TMPRSS15: variants seen among roughly 807,000 people sequenced by gnomAD.
TMPRSS15 encodes the protein transmembrane serine protease 15, also known as enteropeptidase.
A neutral mutation model predicts 125.3 loss-of-function variants in TMPRSS15; 128 were observed. The observed-to-expected ratio is 1.02, with a 90% CI of 0.89 to 1.18. TMPRSS15 has a LOEUF of 1.18. Among genes scored for constraint, TMPRSS15 ranks in the 50% most tolerant of loss-of-function variants. The pLI is 0.00. For missense variants in TMPRSS15, 1,283 were observed against 1,212.7 expected (o/e 1.06, Z -0.86); for synonymous variants, 446 against 423.2 (o/e 1.05, Z -0.66).
chr21:18,464,295 C>G (rs1978612390), intron 1 of TMPRSS15, among the ~76,000 whole-genome samples: 1 of 151,642 alleles, frequency 6.6e-6, no homozygotes, highest in Admixed American at 6.6e-5. Context: ...ACTAAATGCC[C>G]AGAGGAGAAA....
chr21:18,297,295 G>T (rs1360151948), intron 19 of TMPRSS15, among the ~76,000 whole-genome samples: 1 of 152,126 alleles, frequency 6.6e-6, no homozygotes, highest in African/African-American at 2.4e-5. Context: ...TATTTGCCAA[G>T]GAAGAGAAAA....
intron 1 of TMPRSS15, among the ~76,000 whole-genome samples, chr21:18,451,680 A>C (rs2123256742): frequency 6.6e-6 from 1 of 152,238 alleles, no homozygotes; most frequent in East Asian, 1.9e-4. Context: ...GCTTTTTTGG[A>C]CAGCTAACAT....
intron 21 of TMPRSS15, among the ~76,000 whole-genome samples, chr21:18,293,497 C>T (rs1277967110): frequency 6.6e-6 from 1 of 152,108 alleles, no homozygotes; most frequent in Non-Finnish European, 1.5e-5. Context: ...GAGGAAGCTC[C>T]CTTTTCTCCT....
At chr21:18,397,332 A>G (rs1018006791) in intron 3 of TMPRSS15, among the ~76,000 whole-genome samples, 1 of 152,186 alleles carries the variant, frequency 6.6e-6, no homozygotes, top group Non-Finnish European at 1.5e-5. Context: ...TAGATCTTAC[A>G]ATAGAAATAA....
chr21:18,457,412 G>T lies in TMPRSS15; in HGVS notation c.10+28387C>A, dbSNP rs1018505327. 2.6e-5 allele frequency among the ~76,000 whole-genome samples: 4 copies of T among 151,928 alleles called. 1 individual carries two copies. Among genetic ancestry groups the T allele is most frequent in the Admixed American group, 2.0e-4 (3 of 15,226 alleles). On this transcript the variant is annotated intron_variant, in intron 1 of 7. Coordinates refer to the TMPRSS15 transcript ENST00000422787. Reference sequence around the variant, plus strand: ...AAGTTGTGCTAAACCTCTTTATAAAGGAAAAGCAACTTATTACGTTGGAAT... The same window carrying T: ...AAGTTGTGCTAAACCTCTTTATAAATGAAAAGCAACTTATTACGTTGGAAT...
rs756678214 is a variant in TMPRSS15 at position 18,332,118 on chromosome 21, C to T, written c.1620G>A (p.Thr540=). The T allele has an allele frequency of 1.9e-6, 3 of 1,614,058 alleles. No individual in the cohort carries two copies. The highest frequency in any genetic ancestry group is 2.5e-6 in the Non-Finnish European group (3 of 1,179,960). ...GATTAGGGTAGCTGTTTGGAAAGTT[C>T]GTAGAACTGAATGTTGTATTTGGCT... The part of the protein sequence containing the change: ...LWEPNTTFSS[T]NFPNSYPNLA... Residue 540 remains threonine (T), a synonymous_variant, in exon 14 of 25, where the codon ACG becomes ACA. Coordinates refer to ENST00000284885, the MANE Select transcript of TMPRSS15 (RefSeq NM_002772.3).
intron 1 of TMPRSS15, among the ~76,000 whole-genome samples, chr21:18,420,302 A>C (rs1483272275): frequency 6.6e-6 from 1 of 152,194 alleles, no homozygotes; most frequent in Admixed American, 6.5e-5. Context: ...GGCTGAAGTC[A>C]CCATTATTTA....
rs369769966 is a variant in TMPRSS15, at chr21:18,313,036, G to T, written c.2074C>A (p.Arg692=). The T allele has an allele frequency of 7.4e-6, 12 of 1,613,798 alleles. No individual in the cohort carries two copies. The highest frequency in any genetic ancestry group is 4.5e-5 in the East Asian group (2 of 44,854). The change falls in exon 18 of 25, where the codon CGG becomes AGG. Residue 692 remains arginine, a synonymous_variant. Coordinates refer to ENST00000284885, the MANE Select transcript of TMPRSS15 (RefSeq NM_002772.3). ...NGTTNNNGLV[R]FRIQSIWHTA... The stretch of plus-strand genomic sequence containing the variant: ...TGCCATATGCTCTGGATTCTGAACC[G>T]CACTAAACCATTGTTGTTCGTTGTG...
Position 18,388,472 on chromosome 21 carries a change from T to G in TMPRSS15, c.345-4694A>C, listed in dbSNP as rs527634176. ...TCAAATTTTCCCAACCTAATGTAAG[T>G]GAAGTTATCCAGCATGTTGTAGACA... On this transcript the variant is annotated intron_variant, in intron 3 of 24. Transcript: ENST00000284885. Among the ~76,000 whole-genome samples the G allele has an allele frequency of 8.5e-5, 13 of 152,280 alleles. No homozygotes were observed. The South Asian group carries it at 2.3e-3, about 27-fold the overall frequency.
upstream of TMPRSS15, among the ~76,000 whole-genome samples, chr21:18,407,890 G>A (rs907282853): frequency 6.6e-6 from 1 of 152,132 alleles, no homozygotes; most frequent in African/African-American, 2.4e-5. Flanking sequence ...TCTAGATAGG[G>A]AAGATCACTA....
At chr21:18,272,707 A>G (rs2074572873) in intron 24 of TMPRSS15, among the ~76,000 whole-genome samples, 1 of 152,186 alleles carries the variant, frequency 6.6e-6, no homozygotes, top group Admixed American at 6.5e-5. Flanking sequence ...CCTGGGCAAT[A>G]AGAGCAAAAC....
chr21:18,345,740 C>CAAAAAAAAATAAA (rs2075500639), intron 10 of TMPRSS15, among the ~76,000 whole-genome samples: 1 of 15,556 alleles, frequency 6.4e-5, no homozygotes, highest in African/African-American at 1.6e-4. Context: ...GACTCCGTCT[C>CAAAAAAAAATAAA]AAAAAAAAAA....
chr21:18,452,500 C>G (rs1039175810), intron 1 of TMPRSS15, among the ~76,000 whole-genome samples: 1 of 152,018 alleles, frequency 6.6e-6, no homozygotes, highest in East Asian at 1.9e-4. Flanking sequence ...CATGTCTCTA[C>G]AAAAAATAAA....
At chr21:18,276,105 A>G (rs1223145683) in intron 23 of TMPRSS15, among the ~76,000 whole-genome samples, 1 of 152,202 alleles carries the variant, frequency 6.6e-6, no homozygotes, top group South Asian at 2.1e-4. Context: ...AGTACATTTG[A>G]CAGCCATTGA....
At chr21:18,435,185 G>T (rs1265708102) in intron 1 of TMPRSS15, among the ~76,000 whole-genome samples, 2 of 152,156 alleles carry the variant, frequency 1.3e-5, no homozygotes, top group Non-Finnish European at 2.9e-5. Context: ...GGAGTGGTGA[G>T]AGAGGGCATC....
At chr21:18,290,429 T>C (rs960385902) in intron 21 of TMPRSS15, among the ~76,000 whole-genome samples, 1 of 151,798 alleles carries the variant, frequency 6.6e-6, no homozygotes, top group East Asian at 1.9e-4. Flanking sequence ...GAACATCTTA[T>C]TTTGACAGAA....
intron 1 of TMPRSS15, among the ~76,000 whole-genome samples, chr21:18,410,009 C>T (rs1003415187): frequency 6.0e-5 from 9 of 149,838 alleles, no homozygotes; most frequent in Non-Finnish European, 1.3e-4. Context: ...CTGGTTCATG[C>T]TTGTCGTAGT....
Position 18,372,236 on chromosome 21 carries a change from T to C in TMPRSS15, c.621A>G (p.Glu207=). The change falls in exon 6 of 25, where the codon GAA becomes GAG. Residue 207 remains glutamate (E), a synonymous_variant. Coordinates refer to ENST00000284885, the MANE Select transcript of TMPRSS15 (RefSeq NM_002772.3). ...CIKADLFCDG[E]VNCPDGSDED... is the part of the protein sequence containing the mutation. ...CGTCAGAACCATCTGGACAGTTTACTTCTCCATCACAAAATAAATCAGCTT... is the reference window on the plus strand; with the variant it reads ...CGTCAGAACCATCTGGACAGTTTACCTCTCCATCACAAAATAAATCAGCTT... The C allele has an allele frequency of 6.2e-7, 1 of 1,612,020 alleles. No individual in the cohort carries two copies. The highest frequency in any genetic ancestry group is 8.5e-7 in the Non-Finnish European group (1 of 1,178,754).
intron 12 of TMPRSS15, among the ~76,000 whole-genome samples, chr21:18,342,435 T>G (rs1165513787): frequency 6.6e-6 from 1 of 152,236 alleles, no homozygotes; most frequent in South Asian, 2.1e-4. Context: ...TATGGTGACT[T>G]GCTCATGATT....
Sources: gnomAD v4.1 joint callset for allele counts (sites outside exome capture counted in the v4.1 genomes callset) on GRCh38, gnomAD v4.1.1 for gene constraint, MANE v1.5 for transcripts, NCBI Gene and HGNC (gene_info 2026-07-23, HGNC 2026-07-21) for gene names.